Variants in CLYBL observed in about 807,000 individuals in gnomAD.
CLYBL encodes citramalyl-CoA lyase.
Under a neutral mutation model 38.9 loss-of-function variants are expected in CLYBL, and 31 were observed. That is an observed-to-expected ratio of 0.80 (90% CI 0.60 to 1.08). The LOEUF is 1.08. CLYBL is among the 50% of genes least tolerant of loss of function. The probability of loss-of-function intolerance (pLI) is 0.00; values close to 1 mark genes in which losing one functional copy is unlikely to be tolerated. For missense variants in CLYBL, 434 were observed against 411.6 expected, an observed-to-expected ratio of 1.05 and a Z score of -0.47; for synonymous variants, 171 against 158.6, an observed-to-expected ratio of 1.08 and a Z score of -0.59.
chr13:99,833,976 A>G (rs2050879283), intron 2 of CLYBL, among the ~76,000 whole-genome samples: 1 of 151,978 alleles, frequency 6.6e-6, no homozygotes, highest in South Asian at 2.1e-4. Context: ...CTGGGATTAC[A>G]GGTGTGAGTC....
intron 1 of CLYBL, among the ~76,000 whole-genome samples, chr13:99,670,680 A>G (rs1233030722): frequency 1.3e-5 from 2 of 152,240 alleles, no homozygotes; most frequent in Non-Finnish European, 2.9e-5. Context: ...CAGCAACAAC[A>G]AAAATACGAT....
At chr13:99,691,105 A>G (rs2047895480) in intron 1 of CLYBL, 1 of 152,230 alleles carries the variant, frequency 6.6e-6, no homozygotes, top group South Asian at 2.1e-4. Context: ...TGCCCACTCA[A>G]GAATTTCCCA....
chr13:99,882,963 C>T (rs905207806), intron 7 of CLYBL, among the ~76,000 whole-genome samples: 6 of 151,936 alleles, frequency 3.9e-5, no homozygotes, highest in Admixed American at 3.3e-4. Context: ...AGGGCTGGGC[C>T]GGGCCAGGCC....
At chr13:99,701,503 G>A (rs575803537) in intron 1 of CLYBL, among the ~76,000 whole-genome samples, 5 of 151,908 alleles carry the variant, frequency 3.3e-5, no homozygotes, top group African/African-American at 9.7e-5. Flanking sequence ...TAATAGAGAC[G>A]GGGTTTCACA....
chr13:99,701,305 G>GGTTTTT (rs1223733853), intron 1 of CLYBL, among the ~76,000 whole-genome samples: 5 of 152,048 alleles, frequency 3.3e-5, no homozygotes, highest in South Asian at 2.1e-4. Context: ...GGGAGGATGT[G>GGTTTTT]GTTTTTGTTT....
At chr13:99,908,488 AT>A (rs1015364660) in exon 10 of CLYBL, among the ~76,000 whole-genome samples, 4 of 152,258 alleles carry the variant, frequency 2.6e-5, no homozygotes, top group African/African-American at 9.6e-5. Flanking sequence ...TGGAAGCCTG[AT>A]CATTCTTCCA....
intron 2 of CLYBL, among the ~76,000 whole-genome samples, chr13:99,846,019 T>C (rs55679088): frequency 0.2 from 30,319 of 149,334 alleles, 3,369 homozygotes; most frequent in South Asian, 0.24. Context: ...CTTTGGGAAA[T>C]AATTAGGAAG....
intron 7 of CLYBL, 113 bp downstream of exon 7, chr13:99,871,175 G>C: frequency 8.0e-7 from 1 of 1,244,122 alleles, no homozygotes; most frequent in South Asian, 1.3e-5. Flanking sequence ...TCTGGAGAGG[G>C]GGGAAAGGGA....
At chr13:99,897,651 A>G (rs1026939483), downstream of CLYBL, among the ~76,000 whole-genome samples, 5 of 152,304 alleles carry the variant, frequency 3.3e-5, no homozygotes, top group African/African-American at 1.2e-4. Flanking sequence ...ACATGTAAAC[A>G]TATAGAAAAC....
At chr13:99,877,567 AATTCTT>A in intron 7 of CLYBL, 1 of 295,244 alleles carries the variant, frequency 3.4e-6, no homozygotes, top group Non-Finnish European at 6.3e-6. Context: ...AGAATTTTGT[AATTCTT>A]TTTTTTTTTT....
chr13:99,759,971 A>G (rs2049135561), intron 1 of CLYBL, among the ~76,000 whole-genome samples: 1 of 152,170 alleles, frequency 6.6e-6, no homozygotes, highest in Non-Finnish European at 1.5e-5. Flanking sequence ...GTCAATTATA[A>G]AAGGAGATTT....
At chr13:99,617,530 AC>A (rs1219875794) in intron 1 of CLYBL, among the ~76,000 whole-genome samples, 1 of 152,040 alleles carries the variant, frequency 6.6e-6, no homozygotes, top group African/African-American at 2.4e-5. Context: ...CAAACAGAAA[AC>A]CCCATGCCAA....
intron 7 of CLYBL, among the ~76,000 whole-genome samples, chr13:99,886,690 C>T (rs747080218): frequency 1.4e-4 from 22 of 152,252 alleles, no homozygotes; most frequent in Admixed American, 3.3e-4. Flanking sequence ...TACCCAATGT[C>T]GTATCTGTGT....
intron 1 of CLYBL, among the ~76,000 whole-genome samples, chr13:99,755,383 G>T (rs529289158): frequency 8.5e-5 from 13 of 152,270 alleles, no homozygotes; most frequent in African/African-American, 2.9e-4. Flanking sequence ...AATGGTCAGT[G>T]GACCTGTGAT....
At chr13:99,674,375 C>G (rs756735764) in intron 1 of CLYBL, among the ~76,000 whole-genome samples, 3 of 152,006 alleles carry the variant, frequency 2.0e-5, no homozygotes, top group Non-Finnish European at 4.4e-5. Flanking sequence ...TGGTCTCGAA[C>G]TCCTGACCTC....
intron 2 of CLYBL, among the ~76,000 whole-genome samples, chr13:99,773,838 CTTAAT>C (rs1555304504): frequency 6.6e-6 from 1 of 152,110 alleles, no homozygotes; most frequent in Non-Finnish European, 1.5e-5. Context: ...ATTTTCTCTA[CTTAAT>C]TTAAGGGAAA....
intron 1 of CLYBL, among the ~76,000 whole-genome samples, chr13:99,678,431 T>G (rs1292008753): frequency 6.6e-6 from 1 of 152,240 alleles, no homozygotes; most frequent in East Asian, 1.9e-4. Context: ...TTCCAAGCTC[T>G]GCTGAAATCT....
intron 1 of CLYBL, among the ~76,000 whole-genome samples, chr13:99,662,929 G>A (rs748531466): frequency 6.6e-6 from 1 of 152,184 alleles, no homozygotes; most frequent in Non-Finnish European, 1.5e-5. Context: ...GCTGAGGTCC[G>A]AGATGGTCAC....
chr13:99,876,420 CAAAAAAAAA>C (rs35512772), intron 7 of CLYBL, among the ~76,000 whole-genome samples: 1 of 70,116 alleles, frequency 1.4e-5, no homozygotes, highest in Non-Finnish European at 3.1e-5. Flanking sequence ...GACTCCGTCT[CAAAAAAAAA>C]AAAAAAAAAA....
Sources: gnomAD v4.1 joint callset for allele counts (sites outside exome capture counted in the v4.1 genomes callset) on GRCh38, gnomAD v4.1.1 for gene constraint, MANE v1.5 for transcripts, NCBI Gene and HGNC (gene_info 2026-07-23, HGNC 2026-07-21) for gene names.